HIGD1B: variants seen among roughly 807,000 people sequenced by gnomAD.
HIGD1B encodes HIG1 domain family member 1B.
In HIGD1B, 9 loss-of-function variants were observed where a neutral mutation model predicts 8.8. The observed-to-expected ratio is 1.02, with a 90% CI of 0.62 to 1.78. HIGD1B has a LOEUF of 1.78. Among genes scored for constraint, HIGD1B ranks in the 40% most tolerant of loss-of-function variants. The probability of loss-of-function intolerance (pLI) is 0.00; values close to 1 mark genes in which losing one functional copy is unlikely to be tolerated. For missense variants in HIGD1B, 126 were observed against 111.8 expected (o/e 1.13, Z -0.57); for synonymous variants, 47 against 38.8 (o/e 1.21, Z -0.78).
chr17:44,846,625 C>T (rs1376550033), upstream of HIGD1B, among the ~76,000 whole-genome samples: 1 of 151,718 alleles, frequency 6.6e-6, no homozygotes, highest in Non-Finnish European at 1.5e-5. Context: ...GCAAAACTGT[C>T]TCTACAAAAA....
chr17:44,847,870 A>G, upstream of HIGD1B: 1 of 304,074 alleles, frequency 3.3e-6, no homozygotes, highest in Admixed American at 4.8e-5. Context: ...GGGGAAGGGG[A>G]AGCTGAGAAA....
chr17:44,848,360 C>T, intron 1 of HIGD1B, 108 bp downstream of exon 1: 1 of 682,952 alleles, frequency 1.5e-6, no homozygotes, highest in East Asian at 2.6e-5. Context: ...AGTGGTCCTA[C>T]TCACGGAACA....
chr17:44,845,829 G>A (rs558831621), upstream of HIGD1B, among the ~76,000 whole-genome samples: 24 of 152,178 alleles, frequency 1.6e-4, no homozygotes, highest in Admixed American at 2.6e-4. Flanking sequence ...CTACTCGGGA[G>A]GCTGAGGCAG....
intron 1 of HIGD1B, 73 bp from the exon 2 acceptor site, chr17:44,849,181 G>T: frequency 6.4e-7 from 1 of 1,558,792 alleles, no homozygotes. Flanking sequence ...CAGCCTGCCT[G>T]GTAAGGTATC....
chr17:44,847,017 C>T (rs1473376481), upstream of HIGD1B, among the ~76,000 whole-genome samples: 1 of 151,846 alleles, frequency 6.6e-6, no homozygotes, highest in Non-Finnish European at 1.5e-5. Context: ...ACCTGTAATC[C>T]CAGCTACTTG....
upstream of HIGD1B, among the ~76,000 whole-genome samples, chr17:44,844,862 TAGCTGTGTATCCTC>T (rs1350044372): frequency 3.9e-5 from 6 of 152,206 alleles, no homozygotes; most frequent in Non-Finnish European, 8.8e-5. Context: ...TGCCATGTAC[TAGCTGTGTATCCTC>T]AGGTAAGTCA....
chr17:44,846,626 T>G (rs2050325020), upstream of HIGD1B, among the ~76,000 whole-genome samples: 1 of 151,608 alleles, frequency 6.6e-6, no homozygotes, highest in African/African-American at 2.4e-5. Flanking sequence ...CAAAACTGTC[T>G]CTACAAAAAA....
chr17:44,849,459 A>G, intron 2 of HIGD1B, 71 bp downstream of exon 2: 2 of 1,579,128 alleles, frequency 1.3e-6, no homozygotes, highest in Non-Finnish European at 8.7e-7. Flanking sequence ...TTAAGTCCCA[A>G]CAATTAAAAG....
chr17:44,847,933 G>A lies in HIGD1B; in HGVS notation c.-220G>A, dbSNP rs536292981. On this transcript the variant is annotated 5_prime_UTR_variant, in exon 1 of 3. Coordinates refer to ENST00000253410, the MANE Select transcript of HIGD1B (RefSeq NM_016438.4). ...GAGGCAGATGGTAGGAAATGGAGAC[G>A]GAGAAATGGCACTAATGGCCCAGCC... 11 of 454,870 alleles carry A rather than the reference G, an allele frequency of 2.4e-5. No homozygotes were observed. Among genetic ancestry groups the A allele is most frequent in the African/African-American group, 1.4e-4 (7 of 49,342 alleles). The allele number at this position is 454,870 out of a possible 1,614,324, so 28.2% of individuals were successfully genotyped here.
intron 1 of HIGD1B, chr17:44,848,989 G>A (rs1369990837): frequency 5.4e-6 from 2 of 367,410 alleles, no homozygotes; most frequent in Admixed American, 8.1e-5. Flanking sequence ...TGGTCAGGCT[G>A]GTCTCAAACT....
rs367783779 is a variant in HIGD1B, at chr17:44,848,177, G to A, written c.25G>A (p.Val9Ile). 18 of 872,736 alleles carry A rather than the reference G, an allele frequency of 2.1e-5. No homozygotes were observed. Among genetic ancestry groups the A allele is most frequent in the Non-Finnish European group, 3.6e-5 (18 of 501,666 alleles). The allele number at this position is 872,736 out of a possible 1,614,324, so 54.1% of individuals were successfully genotyped here. The change falls in exon 1 of 3, where the codon GTA (valine) becomes ATA (isoleucine). Residue 9 changes from valine to isoleucine, a missense_variant. By Grantham distance (29) the Val-to-Ile change is conservative. Transcript: ENST00000253410. MSANRRWW[V>I]PPDDEDCVSE... is the part of the protein sequence containing the mutation. ...TATGTCTGCTAACAGACGCTGGTGG[G>A]TACCACCTGACGACGAAGACTGTGT...
rs1271290574 is a variant in HIGD1B at position 44,849,492 on chromosome 17, T to TTGA, written c.235+104_235+105insTGA. On this transcript the variant is annotated intron_variant, in intron 2 of 2. Transcript: ENST00000253410. ...AAGGACTGTGCTTGGCTGGGCGCGG[T>TTGA]GGTTCACGCCTGTAATCTCAACACT... The TTGA allele has an allele frequency of 2.3e-4, 314 of 1,363,082 alleles. No homozygotes were observed. In the African/African-American group the frequency reaches 3.5e-3, roughly 15 times the overall value. 84.4% of individuals were successfully genotyped at this position (1,363,082 alleles called of 1,614,324 possible). A position where few individuals can be genotyped will look rare whatever the true frequency, so the allele number is the denominator to read the frequency against.
chr17:44,850,164 T>C (rs2050414515), intron 2 of HIGD1B, 168 bp from the exon 3 acceptor site: 2 of 570,080 alleles, frequency 3.5e-6, no homozygotes, highest in East Asian at 5.6e-5. Context: ...TTTCCCCAGG[T>C]TGTGTGGTCA....
upstream of HIGD1B, among the ~76,000 whole-genome samples, chr17:44,846,928 G>A (rs985907773): frequency 6.6e-6 from 1 of 152,118 alleles, no homozygotes; most frequent in Non-Finnish European, 1.5e-5. Context: ...GAGGTCAGGA[G>A]TTCAAGACCA....
chr17:44,848,093 T>G lies in HIGD1B; in HGVS notation c.-60T>G. On this transcript the variant is annotated 5_prime_UTR_variant, in exon 1 of 3. Coordinates refer to ENST00000253410, the MANE Select transcript of HIGD1B (RefSeq NM_016438.4). ...ATCAGAGTTCTGATTGTGGAGTGCC[T>G]CTCTCTAGGACGGGGCTGCAGCATA... 1 of 809,660 alleles carries G rather than the reference T, an allele frequency of 1.2e-6. No homozygotes were observed. The highest frequency in any genetic ancestry group is 2.2e-6 in the Non-Finnish European group (1 of 460,732). 50.2% of individuals were successfully genotyped at this position (809,660 alleles called of 1,614,324 possible).
At chr17:44,846,838 A>G (rs1174961531), upstream of HIGD1B, among the ~76,000 whole-genome samples, 4 of 152,020 alleles carry the variant, frequency 2.6e-5, no homozygotes, top group East Asian at 5.8e-4. Flanking sequence ...GGTTAGGCTT[A>G]GAAGGTATCC....
chr17:44,845,143 A>T (rs1194937356), upstream of HIGD1B, among the ~76,000 whole-genome samples: 1 of 151,942 alleles, frequency 6.6e-6, no homozygotes, highest in East Asian at 1.9e-4. Flanking sequence ...CTGTAATCCC[A>T]GCTACTCGGG....
intron 1 of HIGD1B, 137 bp downstream of exon 1, chr17:44,848,389 G>A (rs1478083845): frequency 1.6e-6 from 1 of 621,320 alleles, no homozygotes; most frequent in Non-Finnish European, 2.9e-6. Context: ...AACAGCAAAG[G>A]TGCCAAGGGG....
rs368988468 is a variant in HIGD1B, at chr17:44,849,317, C to G, written c.164C>G (p.Thr55Ser). 2 of 1,613,982 alleles carry G rather than the reference C, an allele frequency of 1.2e-6. No individual in the cohort carries two copies. The highest frequency in any genetic ancestry group is 1.6e-4 in the Middle Eastern group (1 of 6,084). The change falls in exon 2 of 3, where the codon ACC becomes AGC. Residue 55 changes from threonine to serine, a missense_variant. Transcript: ENST00000253410. The stretch of plus-strand genomic sequence containing the variant: ...TACCGGCTGAGGTCTCGTGGTTCCA[C>G]CAAGATGTCCATACACCTGATTCAC... Reference protein sequence around the residue: ...RIYRLRSRGSTKMSIHLIHTR... With the variant: ...RIYRLRSRGSSKMSIHLIHTR...
Sources: gnomAD v4.1 joint callset for allele counts (sites outside exome capture counted in the v4.1 genomes callset) on GRCh38, gnomAD v4.1.1 for gene constraint, MANE v1.5 for transcripts, NCBI Gene and HGNC (gene_info 2026-07-23, HGNC 2026-07-21) for gene names.